Variants in GATAD2A observed in about 807,000 individuals in gnomAD.
GATAD2A encodes GATA zinc finger domain containing 2A.
Under a neutral mutation model 68.5 loss-of-function variants are expected in GATAD2A, and 12 were observed. The ratio of observed to expected loss-of-function variants is 0.18; its 90% CI spans 0.11 to 0.28. GATAD2A has a LOEUF of 0.28. Ranked by LOEUF, GATAD2A falls within the 10% of genes least tolerant of loss-of-function variation. The pLI, the probability that GATAD2A is intolerant of heterozygous loss-of-function variation, is 1.00. For missense variants in GATAD2A, 755 were observed against 868.5 expected, an observed-to-expected ratio of 0.87 and a Z score of 1.64; for synonymous variants, 410 against 375.3, an observed-to-expected ratio of 1.09 and a Z score of -1.07.
rs1484178620 is a variant in GATAD2A at position 19,457,704 on chromosome 19, G to A, written c.-6-7636G>A. Among the ~76,000 whole-genome samples the A allele has an allele frequency of 5.3e-5, 8 of 151,022 alleles. No homozygotes were observed. In the East Asian group the frequency reaches 1.6e-3, roughly 29 times the overall value. On this transcript the variant is annotated intron_variant, in intron 1 of 11. Transcript: ENST00000683918. ...TGCAGTGAGCCGAGATCATGCCACT[G>A]CACTCCAGCCTGGGCAACAGACTGA...
chr19:19,452,399 G>T (rs2056485807), intron 1 of GATAD2A, among the ~76,000 whole-genome samples: 1 of 152,144 alleles, frequency 6.6e-6, no homozygotes, highest in African/African-American at 2.4e-5. Flanking sequence ...TTGTAACAGT[G>T]ACTTGGCACC....
At chr19:19,440,366 G>C (rs1361413364) in intron 1 of GATAD2A, 2 of 195,504 alleles carry the variant, frequency 1.0e-5, no homozygotes, top group Non-Finnish European at 2.1e-5. Flanking sequence ...CGCCTACCAG[G>C]TTCATGCCAT....
intron 2 of GATAD2A, among the ~76,000 whole-genome samples, chr19:19,486,836 G>A (rs907042510): frequency 1.3e-5 from 2 of 152,314 alleles, no homozygotes; most frequent in African/African-American, 4.8e-5. Context: ...GAGAGGCTGC[G>A]GGACAGGGAT....
At chr19:19,445,825 C>G (rs1356992303) in intron 1 of GATAD2A, among the ~76,000 whole-genome samples, 1 of 152,286 alleles carries the variant, frequency 6.6e-6, no homozygotes, top group Non-Finnish European at 1.5e-5. Flanking sequence ...CATTGATGGA[C>G]ATTTGGGTTG....
Position 19,412,011 on chromosome 19 carries a change from G to A in GATAD2A, c.-7+5992G>A, listed in dbSNP as rs182391711. Among the ~76,000 whole-genome samples, 609 of 152,120 alleles carry A rather than the reference G, an allele frequency of 4.0e-3. 1 individual carries two copies. Among genetic ancestry groups the A allele is most frequent in the Non-Finnish European group, 6.3e-3 (426 of 68,002 alleles). On this transcript the variant is annotated intron_variant, in intron 1 of 11. Coordinates refer to ENST00000683918, the MANE Select transcript of GATAD2A (RefSeq NM_001384528.1). The stretch of plus-strand genomic sequence containing the variant: ...CCTAGCACTTTGGGAGCCTAAGGCA[G>A]GCTGATTGTTTGAGCCCAGTAGTTC...
In GATAD2A at chr19:19,507,776, G is replaced by T. The variant is rs1311099199; in HGVS notation, c.*2302G>T. ...AACTTTTTTTTTTTCCCCCCAGGGGGCAAAAGTGTGAGATGCCTTAATCTT... is the reference window on the plus strand; with the variant it reads ...AACTTTTTTTTTTTCCCCCCAGGGGTCAAAAGTGTGAGATGCCTTAATCTT... On this transcript the variant is annotated 3_prime_UTR_variant, in exon 12 of 12. Coordinates refer to ENST00000683918, the MANE Select transcript of GATAD2A (RefSeq NM_001384528.1). 1 of 152,014 alleles carries T rather than the reference G, an allele frequency of 6.6e-6. No individual in the cohort carries two copies. The highest frequency in any genetic ancestry group is 1.5e-5 in the Non-Finnish European group (1 of 68,022). The allele number at this position is 152,014 out of a possible 1,614,324, so 9.4% of individuals were successfully genotyped here.
At chr19:19,437,021 C>T (rs1181731661) in intron 1 of GATAD2A, among the ~76,000 whole-genome samples, 1 of 152,204 alleles carries the variant, frequency 6.6e-6, no homozygotes, top group Non-Finnish European at 1.5e-5. Flanking sequence ...TGTGAGGTTT[C>T]AGCTCTTCAT....
At chr19:19,453,351 G>T (rs2056583969) in intron 1 of GATAD2A, among the ~76,000 whole-genome samples, 3 of 152,224 alleles carry the variant, frequency 2.0e-5, no homozygotes. Flanking sequence ...TGTTCTAAGT[G>T]TGGGCTTTTG....
chr19:19,501,191 G>T lies in GATAD2A; in HGVS notation c.1278G>T (p.Thr426=), dbSNP rs756176097. ...GTGCACAGTGCAAGACGGACTTCAC[G>T]TGCCGCTGGCGGGAGGAGAAGAGCG... ...YMCAQCKTDF[T]CRWREEKSGA... is the part of the protein sequence containing the mutation. The change falls in exon 9 of 12, where the codon ACG becomes ACT. Residue 426 remains threonine (T), a synonymous_variant. Transcript: ENST00000683918. 1 of 1,613,592 alleles carries T rather than the reference G, an allele frequency of 6.2e-7. No homozygotes were observed. The highest frequency in any genetic ancestry group is 1.3e-5 in the African/African-American group (1 of 75,068).
chr19:19,442,582 C>T (rs1019969589), intron 1 of GATAD2A, among the ~76,000 whole-genome samples: 5 of 152,006 alleles, frequency 3.3e-5, no homozygotes, highest in South Asian at 2.1e-4. Context: ...GAGCCAAGAT[C>T]GCGCCACTGC....
At chr19:19,424,258 C>G (rs2052789544) in intron 1 of GATAD2A, among the ~76,000 whole-genome samples, 1 of 151,742 alleles carries the variant, frequency 6.6e-6, no homozygotes, top group South Asian at 2.1e-4. Flanking sequence ...GATACAGGGT[C>G]TTGCTCTGTC....
intron 1 of GATAD2A, among the ~76,000 whole-genome samples, chr19:19,429,510 A>G (rs1037805634): frequency 1.3e-5 from 2 of 151,960 alleles, no homozygotes; most frequent in Non-Finnish European, 2.9e-5. Context: ...AGGTGCTCTG[A>G]CGCTGGGTGG....
At chr19:19,427,511 A>G (rs569839759) in intron 1 of GATAD2A, 4 of 152,230 alleles carry the variant, frequency 2.6e-5, no homozygotes, top group South Asian at 4.1e-4. Context: ...TGGGATCACA[A>G]TGTTAGAGTG....
intron 1 of GATAD2A, among the ~76,000 whole-genome samples, chr19:19,460,711 A>G (rs1302295513): frequency 2.0e-5 from 3 of 152,174 alleles, no homozygotes; most frequent in Non-Finnish European, 4.4e-5. Context: ...AGTGAAAGAA[A>G]GCAACCCCCT....
intron 11 of GATAD2A, among the ~76,000 whole-genome samples, chr19:19,505,011 T>C (rs925832487): frequency 2.0e-5 from 3 of 152,218 alleles, no homozygotes; most frequent in African/African-American, 4.8e-5. Flanking sequence ...CATTTGTTTA[T>C]GGTTTTCCAC....
At chr19:19,444,112 A>C (rs1048171847) in intron 1 of GATAD2A, among the ~76,000 whole-genome samples, 1 of 152,118 alleles carries the variant, frequency 6.6e-6, no homozygotes, top group Non-Finnish European at 1.5e-5. Context: ...AGCTAAGGGC[A>C]TGAGCTTCTG....
chr19:19,388,049 C>T (rs895042653), intron 1 of GATAD2A, among the ~76,000 whole-genome samples: 18 of 141,702 alleles, frequency 1.3e-4, no homozygotes, highest in East Asian at 8.3e-4. Context: ...TCACATCAAG[C>T]TTCTCCTCCT....
intron 1 of GATAD2A, among the ~76,000 whole-genome samples, chr19:19,414,085 G>A (rs1185376253): frequency 6.6e-6 from 1 of 152,166 alleles, no homozygotes; most frequent in East Asian, 1.9e-4. Context: ...AGCCTCAGAT[G>A]TTGGTGGTAG....
chr19:19,409,612 G>A (rs1176844164), intron 1 of GATAD2A, among the ~76,000 whole-genome samples: 1 of 152,168 alleles, frequency 6.6e-6, no homozygotes, highest in Admixed American at 6.5e-5. Flanking sequence ...AGTGCTAACT[G>A]TGCAAAGGTA....
Sources: gnomAD v4.1 joint callset for allele counts (sites outside exome capture counted in the v4.1 genomes callset) on GRCh38, gnomAD v4.1.1 for gene constraint, MANE v1.5 for transcripts, NCBI Gene and HGNC (gene_info 2026-07-23, HGNC 2026-07-21) for gene names.